Variants in TRAPPC9 observed in about 807,000 individuals in gnomAD.
TRAPPC9 encodes the protein IKK2 binding protein.
In TRAPPC9, 83 loss-of-function variants were observed where a neutral mutation model predicts 124.0. The ratio of observed to expected loss-of-function variants is 0.67; its 90% CI spans 0.56 to 0.80. TRAPPC9 has a LOEUF of 0.80. Ranked by LOEUF, TRAPPC9 falls within the 30% of genes least tolerant of loss-of-function variation. The pLI, the probability that TRAPPC9 is intolerant of heterozygous loss-of-function variation, is 0.00. For synonymous variants in TRAPPC9, 638 were observed against 617.5 expected (o/e 1.03, Z -0.49); for missense variants, 1,302 against 1,508.3 (o/e 0.86, Z 2.27).
chr8:139,971,755 A>ACACACACACACATACG (rs1836097282), intron 19 of TRAPPC9, among the ~76,000 whole-genome samples: 1 of 145,628 alleles, frequency 6.9e-6, no homozygotes, highest in African/African-American at 2.6e-5. Flanking sequence ...ATATACACAC[A>ACACACACACACATACG]CACACACACA....
chr8:140,387,005 T>A (rs2068772473), intron 7 of TRAPPC9, among the ~76,000 whole-genome samples: 1 of 152,074 alleles, frequency 6.6e-6, no homozygotes, highest in African/African-American at 2.4e-5. Context: ...CCCTCAGAAA[T>A]AATACCACAC....
At chr8:140,215,570 C>G (rs1270805091) in intron 17 of TRAPPC9, among the ~76,000 whole-genome samples, 1 of 151,406 alleles carries the variant, frequency 6.6e-6, no homozygotes, top group Admixed American at 6.6e-5. Flanking sequence ...TGCTTGAACC[C>G]GGGAGGCAGA....
In TRAPPC9 at chr8:139,795,324, CGT is replaced by C. The variant is rs560198114; in HGVS notation, c.3056-63124_3056-63123del. On this transcript the variant is annotated intron_variant, in intron 21 of 22. Coordinates refer to ENST00000438773, the MANE Select transcript of TRAPPC9 (RefSeq NM_001160372.4). ...AGTCAGGAGAGCCAGGCAGCCATCC[CGT>C]GTTTGCAGTTAATTCCCCATGGGCC... 2.1e-3 allele frequency among the ~76,000 whole-genome samples: 313 copies of C among 152,266 alleles called. 1 individual carries two copies. Among genetic ancestry groups the C allele is most frequent in the South Asian group, 7.5e-3 (36 of 4,820 alleles).
At chr8:139,835,039 GA>G (rs768373756) in intron 21 of TRAPPC9, among the ~76,000 whole-genome samples, 8 of 152,212 alleles carry the variant, frequency 5.3e-5, no homozygotes, top group Middle Eastern at 3.2e-3. Flanking sequence ...TTTCAAAGGT[GA>G]AAGTGCCCCC....
At chr8:140,443,156 C>CAAAAAA (rs2071094430) in intron 2 of TRAPPC9, among the ~76,000 whole-genome samples, 1 of 62,856 alleles carries the variant, frequency 1.6e-5, no homozygotes. Flanking sequence ...AAAAAAAAAG[C>CAAAAAA]CAGGCGCGGT....
At chr8:140,069,961 G>T (rs1226642663) in intron 17 of TRAPPC9, among the ~76,000 whole-genome samples, 2 of 152,174 alleles carry the variant, frequency 1.3e-5, no homozygotes, top group Admixed American at 1.3e-4. Flanking sequence ...TCCAGGAGGG[G>T]AAGACAATTC....
chr8:140,033,902 G>C (rs1196160330), intron 17 of TRAPPC9, among the ~76,000 whole-genome samples: 2 of 151,922 alleles, frequency 1.3e-5, no homozygotes, highest in African/African-American at 4.8e-5. Context: ...GGCTGGTCTT[G>C]AACTCCCGAC....
At chr8:140,284,065 G>C (rs997452669) in intron 13 of TRAPPC9, 44 bp from the exon 14 acceptor site, 4 of 1,612,684 alleles carry the variant, frequency 2.5e-6, no homozygotes, top group Non-Finnish European at 3.4e-6. Context: ...GCAAGGCTTT[G>C]GGTCTCACGC....
At chr8:139,782,777 T>C (rs1173059969) in intron 21 of TRAPPC9, among the ~76,000 whole-genome samples, 2 of 152,222 alleles carry the variant, frequency 1.3e-5, no homozygotes, top group East Asian at 1.9e-4. Context: ...CAAGTGAACA[T>C]TGAGTATTTA....
intron 19 of TRAPPC9, among the ~76,000 whole-genome samples, chr8:139,987,649 A>G (rs1278462505): frequency 6.6e-6 from 1 of 152,216 alleles, no homozygotes. Flanking sequence ...TGAAGTCTTC[A>G]GCAATTAAAA....
intron 21 of TRAPPC9, among the ~76,000 whole-genome samples, chr8:139,778,663 T>G (rs1821564516): frequency 6.6e-6 from 1 of 152,192 alleles, no homozygotes; most frequent in African/African-American, 2.4e-5. Context: ...GTTAACAGAT[T>G]AGACCTTGCA....
chr8:140,058,794 C>T (rs1193484674), intron 17 of TRAPPC9, among the ~76,000 whole-genome samples: 1 of 152,170 alleles, frequency 6.6e-6, no homozygotes, highest in Admixed American at 6.5e-5. Flanking sequence ...CCGCATGCAA[C>T]TCCACATGGG....
intron 11 of TRAPPC9, among the ~76,000 whole-genome samples, chr8:140,296,521 C>T (rs1057122345): frequency 6.6e-6 from 1 of 152,234 alleles, no homozygotes; most frequent in African/African-American, 2.4e-5. Context: ...CAGCCTCAGC[C>T]TCCCAAAGTG....
chr8:140,394,167 A>G (rs2069019534), intron 7 of TRAPPC9, among the ~76,000 whole-genome samples: 1 of 152,272 alleles, frequency 6.6e-6, no homozygotes, highest in Admixed American at 6.5e-5. Context: ...CCAATTGAGC[A>G]GCATTAACTT....
chr8:140,322,336 C>T (rs2066617400), intron 9 of TRAPPC9, among the ~76,000 whole-genome samples: 4 of 152,214 alleles, frequency 2.6e-5, no homozygotes, highest in Non-Finnish European at 4.4e-5. Context: ...ACCAAGGCTA[C>T]ACCCAGCTCA....
intron 21 of TRAPPC9, among the ~76,000 whole-genome samples, chr8:139,766,164 G>T (rs1244406337): frequency 6.6e-6 from 1 of 152,248 alleles, no homozygotes. Flanking sequence ...TGGAAAGAAA[G>T]AGGAGTTCTG....
chr8:139,915,609 G>T (rs138827098), intron 19 of TRAPPC9, among the ~76,000 whole-genome samples: 1 of 152,156 alleles, frequency 6.6e-6, no homozygotes, highest in Admixed American at 6.5e-5. Flanking sequence ...CCCGCTGTTC[G>T]TGTCTGACCA....
At chr8:139,822,444 C>T (rs1333448889) in intron 21 of TRAPPC9, among the ~76,000 whole-genome samples, 1 of 152,186 alleles carries the variant, frequency 6.6e-6, no homozygotes, top group Non-Finnish European at 1.5e-5. Context: ...AAGGAGACCC[C>T]GCCCCAGGCT....
intron 21 of TRAPPC9, among the ~76,000 whole-genome samples, chr8:139,748,704 T>C (rs1819121411): frequency 2.0e-5 from 3 of 152,034 alleles, no homozygotes; most frequent in Non-Finnish European, 2.9e-5. Context: ...CTCTCCTCCC[T>C]GGAAGCCTTC....
Sources: gnomAD v4.1 joint callset for allele counts (sites outside exome capture counted in the v4.1 genomes callset) on GRCh38, gnomAD v4.1.1 for gene constraint, MANE v1.5 for transcripts, NCBI Gene and HGNC (gene_info 2026-07-23, HGNC 2026-07-21) for gene names.